Variants in SPATA20 observed in about 807,000 individuals in gnomAD.
SPATA20 encodes spermatogenesis-associated protein 20.
A neutral mutation model predicts 98.9 loss-of-function variants in SPATA20; 74 were observed. That is an observed-to-expected ratio of 0.75 (90% CI 0.62 to 0.91). SPATA20 has a LOEUF of 0.91. SPATA20 is among the 40% of genes least tolerant of loss of function. The pLI is 0.00. For synonymous variants in SPATA20, 430 were observed against 440.5 expected (o/e 0.98, Z 0.30); for missense variants, 1,016 against 1,069.8 (o/e 0.95, Z 0.70).
intron 2 of SPATA20, 33 bp downstream of exon 2, chr17:50,547,800 G>C (rs1348656225): frequency 3.7e-6 from 3 of 807,788 alleles, no homozygotes; most frequent in Non-Finnish European, 6.8e-6. Context: ...CCCATGTCTG[G>C]TTTCCTCTGT....
At chr17:50,549,625 G>C in intron 7 of SPATA20, 138 bp downstream of exon 7, 1 of 848,438 alleles carries the variant, frequency 1.2e-6, no homozygotes, top group South Asian at 1.7e-5. Flanking sequence ...CTAGCCTGTC[G>C]GTAGCTATCG....
At chr17:50,547,534 C>T in intron 1 of SPATA20, 186 bp from the exon 2 acceptor site, 1 of 679,324 alleles carries the variant, frequency 1.5e-6, no homozygotes, top group Non-Finnish European at 2.7e-6. Flanking sequence ...TCCTCAGGGA[C>T]TGTTCTGACA....
In SPATA20 at chr17:50,555,273, C is replaced by T. The variant is rs2035095426; in HGVS notation, c.2199C>T (p.Ala733=). ...ACCGTCAGGCCAAGGACACCAAGGC[C>T]CTGGTGCAGTGCGTCCACTCTGTCT... ...CGDRQAKDTK[A]LVQCVHSVYI... is the part of the protein sequence containing the mutation. The change falls in exon 16 of 17, where the codon GCC becomes GCT. Residue 733 remains alanine (A), a synonymous_variant. Transcript: ENST00000006658. The T allele has an allele frequency of 6.2e-7, 1 of 1,614,002 alleles. No individual in the cohort carries two copies. The highest frequency in any genetic ancestry group is 1.3e-5 in the African/African-American group (1 of 74,976).
chr17:50,552,634 T>C (rs1288436419), intron 14 of SPATA20, among the ~76,000 whole-genome samples: 2 of 148,974 alleles, frequency 1.3e-5, no homozygotes, highest in South Asian at 4.3e-4. Flanking sequence ...TGATCTTGGC[T>C]CACAGCAACC....
At position 50,548,309 on chromosome 17, in the gene SPATA20, G is replaced by A. The variant is rs370629404; in HGVS notation, c.152G>A (p.Arg51Gln). 28 of 1,613,540 alleles carry A rather than the reference G, an allele frequency of 1.7e-5. No homozygotes were observed. Among genetic ancestry groups the A allele is most frequent in the Admixed American group, 3.3e-5 (2 of 59,970 alleles). Residue 51 changes from arginine to glutamine, a missense_variant, in exon 3 of 17, where the codon CGA (arginine) becomes CAA (glutamine). By Grantham distance (43) the Arg-to-Gln change is conservative. Coordinates refer to ENST00000006658, the MANE Select transcript of SPATA20 (RefSeq NM_022827.4). Reference sequence around the variant, plus strand: ...GGTAGCTCCTCCCGGGACAAGGACCGAAGTGCGACGGTCAGTAGTTCAGTG... The same window carrying A: ...GGTAGCTCCTCCCGGGACAAGGACCAAAGTGCGACGGTCAGTAGTTCAGTG... ...SRGSSSRDKD[R>Q]SATVSSSVPM...
chr17:50,549,608 CT>C, intron 7 of SPATA20, 121 bp downstream of exon 7: 1 of 1,032,548 alleles, frequency 9.7e-7, no homozygotes. Flanking sequence ...CAGTGACCTC[CT>C]TGCCCCTAGC....
At chr17:50,547,644 C>T (rs779908811) in intron 1 of SPATA20, 76 bp from the exon 2 acceptor site, 22 of 777,932 alleles carry the variant, frequency 2.8e-5, no homozygotes, top group African/African-American at 2.7e-4. Flanking sequence ...TTTATTGCTG[C>T]ATGGACCTTT....
chr17:50,548,002 G>A (rs2034942009), intron 2 of SPATA20: 2 of 1,479,652 alleles, frequency 1.4e-6, no homozygotes, highest in Non-Finnish European at 1.8e-6. Flanking sequence ...TCTGCCCATT[G>A]TGACCCGCCC....
At position 50,555,501 on chromosome 17, in the gene SPATA20, C is replaced by A; in HGVS notation, c.2248C>A (p.Leu750Met). ...SVYIPNKVLI[L>M]ADGDPSSFLS... ...TCTGCTGCTGCCCTAGGTGCTGATTCTGGCTGATGGGGACCCCTCGAGCTT... is the reference window on the plus strand; with the variant it reads ...TCTGCTGCTGCCCTAGGTGCTGATTATGGCTGATGGGGACCCCTCGAGCTT... Residue 750 changes from leucine to methionine, a missense_variant, in exon 17 of 17, where the codon CTG becomes ATG. Coordinates refer to ENST00000006658, the MANE Select transcript of SPATA20 (RefSeq NM_022827.4). 1 of 1,614,004 alleles carries A rather than the reference C, an allele frequency of 6.2e-7. No individual in the cohort carries two copies.
At chr17:50,553,924 C>T (rs564929480) in intron 14 of SPATA20, among the ~76,000 whole-genome samples, 4 of 152,070 alleles carry the variant, frequency 2.6e-5, no homozygotes, top group East Asian at 1.9e-4. Flanking sequence ...GGATTAGAAG[C>T]GGAGGGAGAG....
chr17:50,549,512 C>G, intron 7 of SPATA20, 25 bp downstream of exon 7: 1 of 1,600,654 alleles, frequency 6.2e-7, no homozygotes, highest in Non-Finnish European at 8.5e-7. Flanking sequence ...CCCGCCTTAG[C>G]CCAGGCTTTG....
intron 7 of SPATA20, 67 bp from the exon 8 acceptor site, chr17:50,549,918 C>G: frequency 6.6e-7 from 1 of 1,508,420 alleles, no homozygotes; most frequent in South Asian, 1.3e-5. Flanking sequence ...CCAAGGCCTC[C>G]TGACCACCCC....
Position 50,548,382 on chromosome 17 carries a change from G to A in SPATA20, c.225G>A (p.Gln75=), listed in dbSNP as rs2034950368. ...GAAGCCATCCTTCATCTACACCCCA[G>A]AGGGTCCCCAACCGCCTGATCCACG... ...GKGSHPSSTP[Q]RVPNRLIHEK... is the part of the protein sequence containing the mutation. The change falls in exon 3 of 17, where the codon CAG becomes CAA. Residue 75 remains glutamine (Q), a synonymous_variant. Coordinates refer to ENST00000006658, the MANE Select transcript of SPATA20 (RefSeq NM_022827.4). 5.6e-6 allele frequency: 9 copies of A among 1,614,008 alleles called. No individual in the cohort carries two copies. The highest frequency in any genetic ancestry group is 7.6e-6 in the Non-Finnish European group (9 of 1,179,982).
rs764634235 is a variant in SPATA20 at position 50,552,049 on chromosome 17, A to ACCT, written c.1826_1827insCCT (p.Glu609delinsAspLeu). Reference sequence around the variant, plus strand: ...CTGGACCTGTATGAGGCCTCACAGGAGAGTGCGTGGCTCGAGTGGGCTCTG... The same window carrying ACCT: ...CTGGACCTGTATGAGGCCTCACAGGACCTGAGTGCGTGGCTCGAGTGGGCTCTG... On this transcript the variant is annotated protein_altering_variant, in exon 14 of 17. Transcript: ENST00000006658. The ACCT allele has an allele frequency of 4.3e-6, 7 of 1,613,804 alleles. No individual in the cohort carries two copies. Among genetic ancestry groups the ACCT allele is most frequent in the Non-Finnish European group, 5.9e-6 (7 of 1,179,944 alleles).
In SPATA20 at chr17:50,549,152, G is replaced by A. The variant is rs763901527; in HGVS notation, c.626G>A (p.Gly209Asp). Residue 209 changes from glycine (G) to aspartate (D), a missense_variant, in exon 6 of 17, where the codon GGC (glycine) becomes GAC (aspartate). Gly to Asp is a moderately conservative substitution (Grantham distance 94, BLOSUM62 -1). Transcript: ENST00000006658. ...FPPEDGLTRV[G>D]FRTVLLRIRE... is the part of the protein sequence containing the mutation. Reference sequence around the variant, plus strand: ...CCTGAGGATGGCTTGACCCGAGTCGGCTTCCGCACAGTGTTGCTGAGAATA... The same window carrying A: ...CCTGAGGATGGCTTGACCCGAGTCGACTTCCGCACAGTGTTGCTGAGAATA... The A allele has an allele frequency of 6.2e-7, 1 of 1,608,042 alleles. No homozygotes were observed. The highest frequency in any genetic ancestry group is 8.5e-7 in the Non-Finnish European group (1 of 1,176,690).
intron 10 of SPATA20, 21 bp downstream of exon 10, chr17:50,550,631 G>T: frequency 6.2e-7 from 1 of 1,613,760 alleles, no homozygotes; most frequent in Non-Finnish European, 8.5e-7. Context: ...ATGGTGGCAG[G>T]CAGGCCTGGC....
chr17:50,549,989 C>A lies in SPATA20; in HGVS notation c.867C>A (p.Ile289=), dbSNP rs773407875. Residue 289 remains isoleucine (I), a synonymous_variant, in exon 8 of 17, where the codon ATC becomes ATA. Transcript: ENST00000006658. The part of the protein sequence containing the change: ...AEAPKFPTPV[I]LSFLFSYWLS... ...ATGTTCTTGGTGCCCCCACAGTGAT[C>A]CTGAGCTTCCTGTTCTCCTACTGGC... 6 of 1,545,632 alleles carry A rather than the reference C, an allele frequency of 3.9e-6. No individual in the cohort carries two copies. In the African/African-American group the frequency reaches 6.8e-5, roughly 18 times the overall value.
Position 50,553,559 on chromosome 17 carries a change from C to CTT in SPATA20, c.1958-677_1958-676dup, listed in dbSNP as rs553958151. 3.0e-3 allele frequency among the ~76,000 whole-genome samples: 419 copies of CTT among 141,204 alleles called. 4 individuals are homozygous for CTT. Among genetic ancestry groups the CTT allele is most frequent in the South Asian group, 5.2e-3 (23 of 4,404 alleles). 92.6% of individuals were successfully genotyped at this position (141,204 alleles called of 152,430 possible). The stretch of plus-strand genomic sequence containing the variant: ...GAGGCCGGCAGGGCACGGAAGCCGT[C>CTT]TTTTTTTTTTTTTTTTCCTAAGAAA... On this transcript the variant is annotated intron_variant, in intron 14 of 16. Coordinates refer to ENST00000006658, the MANE Select transcript of SPATA20 (RefSeq NM_022827.4).
chr17:50,551,687 G>A lies in SPATA20; in HGVS notation c.1745+8G>A. ...GGGGACTGTGGAGCACAGGTTGGGG[G>A]CTGGGTAGACCGGGAGGGCCCGTCT... On this transcript the variant is annotated splice_region_variant and intron_variant, in intron 13 of 16. Coordinates refer to ENST00000006658, the MANE Select transcript of SPATA20 (RefSeq NM_022827.4). 3 of 1,584,590 alleles carry A rather than the reference G, an allele frequency of 1.9e-6. No homozygotes were observed. The highest frequency in any genetic ancestry group is 2.6e-6 in the Non-Finnish European group (3 of 1,157,204).
Sources: gnomAD v4.1 joint callset for allele counts (sites outside exome capture counted in the v4.1 genomes callset) on GRCh38, gnomAD v4.1.1 for gene constraint, MANE v1.5 for transcripts, NCBI Gene and HGNC (gene_info 2026-07-23, HGNC 2026-07-21) for gene names.